The following PRKAG2 variants were observed in gnomAD, a reference collection of about 807,000 sequenced individuals.
PRKAG2 encodes the protein 5'-AMP-activated protein kinase subunit gamma-2.
A neutral mutation model predicts 69.6 loss-of-function variants in PRKAG2; 26 were observed. That is an observed-to-expected ratio of 0.37 (90% CI 0.27 to 0.52). PRKAG2 has a LOEUF of 0.52. Among genes scored for constraint, PRKAG2 ranks in the 20% least tolerant of loss-of-function variants. The pLI is 0.90. For missense variants in PRKAG2, 557 were observed against 740.0 expected, an observed-to-expected ratio of 0.75 and a Z score of 2.87; for synonymous variants, 293 against 285.0, an observed-to-expected ratio of 1.03 and a Z score of -0.28.
chr7:151,727,496 G>A (rs1180550383), intron 3 of PRKAG2, among the ~76,000 whole-genome samples: 2 of 152,202 alleles, frequency 1.3e-5, no homozygotes, highest in African/African-American at 2.4e-5. Flanking sequence ...GACTCTGGAA[G>A]GGCTAGGAAA....
intron 1 of PRKAG2, among the ~76,000 whole-genome samples, chr7:151,793,707 G>A (rs2077366626): frequency 6.6e-6 from 1 of 152,228 alleles, no homozygotes; most frequent in South Asian, 2.1e-4. Flanking sequence ...GGAGGCACGG[G>A]GGAGGTGCCT....
In PRKAG2 at chr7:151,641,973, C is replaced by G. The variant is rs1401811468; in HGVS notation, c.685-9835G>C. 4.9e-5 allele frequency among the ~76,000 whole-genome samples: 7 copies of G among 142,000 alleles called. No individual in the cohort carries two copies. The Admixed American group carries it at 5.0e-4, about 10-fold the overall frequency. The allele number at this position is 142,000 out of a possible 152,430, so 93.2% of individuals were successfully genotyped here. A position where few individuals can be genotyped will look rare whatever the true frequency, so the allele number is the denominator to read the frequency against. ...TGTTGGGAGGTTGAGGTGGGAGGAT[C>G]ACTTGAGCCCAGGAGTTTGAGACCA... On this transcript the variant is annotated intron_variant, in intron 4 of 15. Coordinates refer to ENST00000287878, the MANE Select transcript of PRKAG2 (RefSeq NM_016203.4).
At chr7:151,711,201 G>T (rs1409112328) in intron 3 of PRKAG2, among the ~76,000 whole-genome samples, 1 of 151,964 alleles carries the variant, frequency 6.6e-6, no homozygotes, top group African/African-American at 2.4e-5. Flanking sequence ...AGGGTGCTAG[G>T]CTTAGAGGAT....
At chr7:151,580,144 G>C (rs1810006045) in intron 6 of PRKAG2, among the ~76,000 whole-genome samples, 2 of 152,180 alleles carry the variant, frequency 1.3e-5, no homozygotes, top group Non-Finnish European at 2.9e-5. Context: ...AGGAGTTCAA[G>C]ACCAGCCTGG....
intron 4 of PRKAG2, among the ~76,000 whole-genome samples, chr7:151,640,862 A>C (rs1238030766): frequency 6.6e-6 from 1 of 152,216 alleles, no homozygotes; most frequent in Non-Finnish European, 1.5e-5. Context: ...TGTGTGACAC[A>C]TAGTAGGCAT....
intron 3 of PRKAG2, among the ~76,000 whole-genome samples, chr7:151,752,914 G>A (rs997374399): frequency 2.6e-5 from 4 of 152,244 alleles, no homozygotes; most frequent in African/African-American, 9.6e-5. Context: ...ACTTTATGGT[G>A]GCAGACGCCC....
intron 3 of PRKAG2, among the ~76,000 whole-genome samples, chr7:151,709,685 GAC>G (rs1036686539): frequency 2.6e-4 from 39 of 152,290 alleles, no homozygotes; most frequent in Middle Eastern, 3.4e-3. Flanking sequence ...GACATTGTGT[GAC>G]ACACACATAA....
chr7:151,675,386 C>A, intron 4 of PRKAG2, 34 bp downstream of exon 4: 1 of 1,595,188 alleles, frequency 6.3e-7, no homozygotes, highest in Middle Eastern at 1.7e-4. Context: ...CTCTGCCACC[C>A]GGCAGCCCCA....
At chr7:151,768,324 G>A (rs577812252) in intron 3 of PRKAG2, among the ~76,000 whole-genome samples, 2 of 152,112 alleles carry the variant, frequency 1.3e-5, no homozygotes, top group South Asian at 4.1e-4. Flanking sequence ...CAAATTTTAG[G>A]ATATTCTTGA....
chr7:151,683,021 C>A (rs551740034), intron 3 of PRKAG2, among the ~76,000 whole-genome samples: 3 of 152,384 alleles, frequency 2.0e-5, no homozygotes, highest in Admixed American at 6.5e-5. Flanking sequence ...ACATCTCCTC[C>A]TTTTTCCTGC....
At chr7:151,732,243 A>G (rs1799068329) in intron 3 of PRKAG2, among the ~76,000 whole-genome samples, 1 of 150,108 alleles carries the variant, frequency 6.7e-6, no homozygotes, top group Non-Finnish European at 1.5e-5. Flanking sequence ...GGCTTAAGCA[A>G]TCCTCCCAAC....
chr7:151,733,071 G>A (rs1378805183), intron 3 of PRKAG2, among the ~76,000 whole-genome samples: 3 of 152,234 alleles, frequency 2.0e-5, no homozygotes, highest in African/African-American at 7.2e-5. Context: ...ACAGGCTTGG[G>A]AGGGAGGGCT....
Position 151,597,029 on chromosome 7 carries a change from G to A in PRKAG2, c.755-1575C>T, listed in dbSNP as rs111699856. On this transcript the variant is annotated intron_variant, in intron 5 of 15. Coordinates refer to ENST00000287878, the MANE Select transcript of PRKAG2 (RefSeq NM_016203.4). The stretch of plus-strand genomic sequence containing the variant: ...ATATCACACTACCTGACTTCAAAAT[G>A]TACTACAAAGCTATAATAACCAAAA... 9.5e-3 allele frequency among the ~76,000 whole-genome samples: 1,450 copies of A among 152,196 alleles called. 31 individuals carry two copies. The highest frequency in any genetic ancestry group is 0.032 in the African/African-American group (1,319 of 41,540).
At position 151,687,851 on chromosome 7, in the gene PRKAG2, G is replaced by C. The variant is rs890414009; in HGVS notation, c.467-12214C>G. ...CAGGAAAAAGCACACGGTCGCACCAGGCGAGGTGGGTGCCTCAGGTCAGAG... is the reference window on the plus strand; with the variant it reads ...CAGGAAAAAGCACACGGTCGCACCACGCGAGGTGGGTGCCTCAGGTCAGAG... On this transcript the variant is annotated intron_variant, in intron 3 of 15. Coordinates refer to ENST00000287878, the MANE Select transcript of PRKAG2 (RefSeq NM_016203.4). Among the ~76,000 whole-genome samples, 88 of 152,382 alleles carry C rather than the reference G, an allele frequency of 5.8e-4. 1 individual carries two copies. Among genetic ancestry groups the C allele is most frequent in the African/African-American group, 2.1e-3 (86 of 41,596 alleles).
chr7:151,644,133 A>G (rs1233340231), intron 4 of PRKAG2, among the ~76,000 whole-genome samples: 1 of 152,200 alleles, frequency 6.6e-6, no homozygotes, highest in Non-Finnish European at 1.5e-5. Context: ...GGTGCAGAGT[A>G]TACTGCTCGG....
intron 4 of PRKAG2, among the ~76,000 whole-genome samples, chr7:151,647,183 G>T (rs1172214530): frequency 6.6e-6 from 1 of 152,214 alleles, no homozygotes; most frequent in Admixed American, 6.5e-5. Context: ...AGAGAAGAAC[G>T]TGGGTCCTAG....
intron 11 of PRKAG2, 55 bp downstream of exon 11, chr7:151,568,661 C>CA: frequency 1.3e-6 from 2 of 1,585,554 alleles, no homozygotes. Flanking sequence ...ACTTGAAGTA[C>CA]ATTATTTAAT....
chr7:151,856,730 G>A (rs2079786122), intron 1 of PRKAG2, among the ~76,000 whole-genome samples: 1 of 152,104 alleles, frequency 6.6e-6, no homozygotes, highest in South Asian at 2.1e-4. Context: ...CACACACACG[G>A]TCACGGCGTC....
intron 3 of PRKAG2, among the ~76,000 whole-genome samples, chr7:151,775,530 T>C (rs534223861): frequency 6.6e-6 from 1 of 152,174 alleles, no homozygotes; most frequent in Non-Finnish European, 1.5e-5. Flanking sequence ...AAAGTGGTCG[T>C]GTGAATATAA....
Sources: gnomAD v4.1 joint callset for allele counts (sites outside exome capture counted in the v4.1 genomes callset) on GRCh38, gnomAD v4.1.1 for gene constraint, MANE v1.5 for transcripts, NCBI Gene and HGNC (gene_info 2026-07-23, HGNC 2026-07-21) for gene names.